The following NKAIN3 variants were observed in gnomAD, a reference collection of about 807,000 sequenced individuals.
The protein encoded by NKAIN3 is sodium/potassium transporting ATPase interacting 3, also known as sodium/potassium-transporting ATPase subunit beta-1-interacting protein 3.
A neutral mutation model predicts 30.2 loss-of-function variants in NKAIN3; 25 were observed. That is an observed-to-expected ratio of 0.83 (90% CI 0.60 to 1.16). NKAIN3 has a LOEUF of 1.16. Ranked by LOEUF, NKAIN3 falls within the 50% of genes most tolerant of loss-of-function variation. The probability of loss-of-function intolerance (pLI) is 0.00; values close to 1 mark genes in which losing one functional copy is unlikely to be tolerated. For missense variants in NKAIN3, 225 were observed against 254.1 expected, an observed-to-expected ratio of 0.89 and a Z score of 0.78; for synonymous variants, 91 against 89.6, an observed-to-expected ratio of 1.02 and a Z score of -0.09.
chr8:62,692,622 C>T (rs1372871391), intron 3 of NKAIN3, among the ~76,000 whole-genome samples: 2 of 152,176 alleles, frequency 1.3e-5, no homozygotes, highest in African/African-American at 4.8e-5. Flanking sequence ...AAACTGCCCC[C>T]TTCTGTGCAT....
intron 4 of NKAIN3, among the ~76,000 whole-genome samples, chr8:62,908,143 T>C (rs2130846306): frequency 1.3e-5 from 2 of 152,222 alleles, no homozygotes; most frequent in African/African-American, 4.8e-5. Flanking sequence ...TCAAAGGAGA[T>C]CATTTTGGCG....
At position 62,907,260 on chromosome 8, in the gene NKAIN3, G is replaced by T. The variant is rs189783169; in HGVS notation, c.472-11193G>T. 5.1e-4 allele frequency among the ~76,000 whole-genome samples: 78 copies of T among 152,204 alleles called. No homozygotes were observed. In the Middle Eastern group the frequency reaches 0.01, roughly 20 times the overall value. ...CAACAAAGCATTTAAGAGGTGATTTGGTGCTGCTAAGTATTAATATATTAA... is the reference window on the plus strand; with the variant it reads ...CAACAAAGCATTTAAGAGGTGATTTTGTGCTGCTAAGTATTAATATATTAA... On this transcript the variant is annotated intron_variant, in intron 4 of 6. Transcript: ENST00000623646.
intron 4 of NKAIN3, among the ~76,000 whole-genome samples, chr8:62,811,723 T>C (rs1818495057): frequency 6.6e-6 from 1 of 152,042 alleles, no homozygotes. Flanking sequence ...TTAGATTTTT[T>C]TGCTTTTCTT....
chr8:62,891,068 T>C (rs144058681), intron 4 of NKAIN3, among the ~76,000 whole-genome samples: 4 of 152,122 alleles, frequency 2.6e-5, no homozygotes, highest in African/African-American at 9.7e-5. Context: ...GTCAACTTGA[T>C]TGGATTGAAG....
chr8:62,692,836 A>G (rs1001204817), intron 3 of NKAIN3, among the ~76,000 whole-genome samples: 1 of 152,210 alleles, frequency 6.6e-6, no homozygotes, highest in Non-Finnish European at 1.5e-5. Flanking sequence ...TGTCAGATCT[A>G]TAGCCCTCCC....
chr8:62,367,663 T>C (rs1437701290), intron 1 of NKAIN3, among the ~76,000 whole-genome samples: 3 of 152,120 alleles, frequency 2.0e-5, no homozygotes, highest in African/African-American at 7.2e-5. Context: ...CAAGTTTTCT[T>C]TTTAAATTTA....
intron 6 of NKAIN3, among the ~76,000 whole-genome samples, chr8:62,963,038 C>G (rs1028613314): frequency 6.6e-6 from 1 of 151,968 alleles, no homozygotes; most frequent in African/African-American, 2.4e-5. Flanking sequence ...ATTACAGGTG[C>G]CTGCTACCAC....
At chr8:62,860,651 A>G (rs1363230493) in intron 4 of NKAIN3, among the ~76,000 whole-genome samples, 2 of 152,202 alleles carry the variant, frequency 1.3e-5, no homozygotes, top group East Asian at 3.9e-4. Context: ...TTGAACAGGC[A>G]TTAGAGATAG....
intron 3 of NKAIN3, among the ~76,000 whole-genome samples, chr8:62,619,183 A>G (rs1215118891): frequency 6.6e-6 from 1 of 152,176 alleles, no homozygotes; most frequent in Non-Finnish European, 1.5e-5. Flanking sequence ...GCTCATTGGT[A>G]CCTACCTTAG....
At chr8:62,388,614 T>A (rs1047236248) in intron 1 of NKAIN3, among the ~76,000 whole-genome samples, 8 of 152,218 alleles carry the variant, frequency 5.3e-5, no homozygotes, top group African/African-American at 1.9e-4. Context: ...CACTTGACAA[T>A]CATGATCTAA....
chr8:62,316,267 C>T (rs565556438), intron 1 of NKAIN3, among the ~76,000 whole-genome samples: 2 of 152,018 alleles, frequency 1.3e-5, no homozygotes, highest in African/African-American at 2.4e-5. Flanking sequence ...AGGAAATGCT[C>T]ATTGTAGCAT....
intron 4 of NKAIN3, among the ~76,000 whole-genome samples, chr8:62,834,705 A>G (rs1233275367): frequency 1.3e-5 from 2 of 152,272 alleles, no homozygotes; most frequent in African/African-American, 4.8e-5. Context: ...ATGGAAAAAC[A>G]TTCCATGCTC....
intron 1 of NKAIN3, among the ~76,000 whole-genome samples, chr8:62,368,338 T>C (rs1816801191): frequency 6.6e-6 from 1 of 152,140 alleles, no homozygotes. Flanking sequence ...AAAAGAATGG[T>C]ATTTCACAAT....
chr8:62,270,609 T>G (rs1734622115), intron 1 of NKAIN3, among the ~76,000 whole-genome samples: 1 of 152,192 alleles, frequency 6.6e-6, no homozygotes, highest in Non-Finnish European at 1.5e-5. Context: ...GTATAATACA[T>G]TATTATTTAC....
chr8:62,460,829 A>G (rs1805977471), intron 1 of NKAIN3, among the ~76,000 whole-genome samples: 1 of 152,214 alleles, frequency 6.6e-6, no homozygotes, highest in South Asian at 2.1e-4. Flanking sequence ...TGTTAAAACA[A>G]TTGGAGGGAA....
chr8:62,317,742 A>G (rs1313657633), intron 1 of NKAIN3, among the ~76,000 whole-genome samples: 2 of 152,158 alleles, frequency 1.3e-5, no homozygotes, highest in Non-Finnish European at 2.9e-5. Context: ...TTGGCTTAGG[A>G]TTGACTTGGC....
intron 3 of NKAIN3, among the ~76,000 whole-genome samples, chr8:62,729,044 A>AAAAAAAC (rs1815379790): frequency 8.1e-6 from 1 of 123,480 alleles, no homozygotes; most frequent in Non-Finnish European, 1.7e-5. Flanking sequence ...AAAAAACAAA[A>AAAAAAAC]AAAAAAAACC....
At position 62,375,938 on chromosome 8, in the gene NKAIN3, A is replaced by G. The variant is rs554736150; in HGVS notation, c.54+126811A>G. Among the ~76,000 whole-genome samples the G allele has an allele frequency of 3.3e-5, 5 of 152,284 alleles. No homozygotes were observed. In the South Asian group the frequency reaches 1.0e-3, roughly 32 times the overall value. ...TATTATACTTGCTCTTGTTCACTTAAGGAGTTCTTACTTGGATTTCTTACT... is the reference window on the plus strand; with the variant it reads ...TATTATACTTGCTCTTGTTCACTTAGGGAGTTCTTACTTGGATTTCTTACT... On this transcript the variant is annotated intron_variant, in intron 1 of 6. Transcript: ENST00000623646.
chr8:62,401,492 T>A (rs1803871852), intron 1 of NKAIN3, among the ~76,000 whole-genome samples: 1 of 152,186 alleles, frequency 6.6e-6, no homozygotes, highest in Admixed American at 6.5e-5. Context: ...TGCTTATGGA[T>A]GTTTATCATT....
Sources: allele counts gnomAD v4.1 joint callset (sites outside exome capture counted in the v4.1 genomes callset), GRCh38; gene constraint gnomAD v4.1.1; transcripts MANE v1.5; gene names NCBI Gene and HGNC (gene_info 2026-07-23, HGNC 2026-07-21).